The following LMO7 variants were observed in gnomAD, a reference collection of about 807,000 sequenced individuals.
The protein encoded by LMO7 is LIM domain 7, also known as LIM domain only protein 7.
Under a neutral mutation model 206.5 loss-of-function variants are expected in LMO7, and 120 were observed. The observed-to-expected ratio is 0.58, with a 90% CI of 0.50 to 0.68. The LOEUF (loss-of-function observed/expected upper bound fraction) is 0.68, where lower values mean the gene tolerates loss of function less well. Among genes scored for constraint, LMO7 ranks in the 30% least tolerant of loss-of-function variants. The pLI is 0.00. For synonymous variants in LMO7, 706 were observed against 681.5 expected, an observed-to-expected ratio of 1.04 and a Z score of -0.56; for missense variants, 1,959 against 1,957.9, an observed-to-expected ratio of 1.00 and a Z score of -0.01.
chr13:75,801,618 T>C (rs1436568373), intron 7 of LMO7, among the ~76,000 whole-genome samples: 1 of 152,232 alleles, frequency 6.6e-6, no homozygotes, highest in Non-Finnish European at 1.5e-5. Context: ...GGGTATAGCG[T>C]CAGCAATTTC....
intron 4 of LMO7, among the ~76,000 whole-genome samples, chr13:75,788,161 C>G (rs185792354): frequency 6.6e-6 from 1 of 152,208 alleles, no homozygotes; most frequent in East Asian, 1.9e-4. Context: ...TAAAATTTCA[C>G]TTAGTACATT....
intron 3 of LMO7, among the ~76,000 whole-genome samples, chr13:75,752,808 C>G (rs1294591167): frequency 6.6e-6 from 1 of 152,118 alleles, no homozygotes; most frequent in South Asian, 2.1e-4. Flanking sequence ...GGATGTATAC[C>G]ACATTTTATT....
intron 14 of LMO7, 29 bp from the exon 15 acceptor site, chr13:75,823,530 GAATATC>G: frequency 6.8e-7 from 1 of 1,475,018 alleles, no homozygotes. Flanking sequence ...AAAGGTAACA[GAATATC>G]AAGTTTAAAA....
chr13:75,820,699 A>G (rs1172153569), intron 13 of LMO7, among the ~76,000 whole-genome samples: 1 of 152,210 alleles, frequency 6.6e-6, no homozygotes, highest in African/African-American at 2.4e-5. Flanking sequence ...CATTAAAGAT[A>G]ATTTTATACA....
intron 1 of LMO7, among the ~76,000 whole-genome samples, chr13:75,697,203 G>A (rs2041970901): frequency 6.6e-6 from 1 of 152,132 alleles, no homozygotes; most frequent in Non-Finnish European, 1.5e-5. Context: ...CGTTCTCAAG[G>A]CCAAGAAAAT....
chr13:75,677,711 A>G (rs1484040874), intron 1 of LMO7, among the ~76,000 whole-genome samples: 1 of 150,824 alleles, frequency 6.6e-6, no homozygotes, highest in Non-Finnish European at 1.5e-5. Flanking sequence ...TTACATATGT[A>G]TACATGTGCC....
chr13:75,840,666 T>C (rs2139206259), intron 22 of LMO7, among the ~76,000 whole-genome samples, 171 bp downstream of exon 22: 1 of 152,344 alleles, frequency 6.6e-6, no homozygotes, highest in Admixed American at 6.5e-5. Context: ...ATTTTGAAGA[T>C]TTCCAGAGTC....
At position 75,636,608 on chromosome 13, in the gene LMO7, C is replaced by T. The variant is rs1315717307; in HGVS notation, c.-50C>T. On this transcript the variant is annotated 5_prime_UTR_variant, in exon 1 of 31. Coordinates refer to ENST00000377534, the MANE Select transcript of LMO7 (RefSeq NM_001306080.2). ...TGGGGCCCAGACGCGCGGGGACAAC[C>T]CCTCCCCTCCACGCATCCCGAGTCT... 1.4e-5 allele frequency: 22 copies of T among 1,546,198 alleles called. No individual in the cohort carries two copies. The highest frequency in any genetic ancestry group is 1.9e-5 in the Non-Finnish European group (22 of 1,146,822).
chr13:75,837,120 T>A (rs2059192060), intron 19 of LMO7, among the ~76,000 whole-genome samples: 1 of 152,204 alleles, frequency 6.6e-6, no homozygotes, highest in African/African-American at 2.4e-5. Context: ...AGAATGGGAC[T>A]GGGTTTTCAC....
chr13:75,641,499 T>G (rs990642555), intron 1 of LMO7, among the ~76,000 whole-genome samples: 1 of 152,228 alleles, frequency 6.6e-6, no homozygotes, highest in African/African-American at 2.4e-5. Context: ...ATGCTTTTTA[T>G]CACTCAAGAG....
At chr13:75,759,297 A>G (rs2047950014) in intron 3 of LMO7, among the ~76,000 whole-genome samples, 1 of 152,170 alleles carries the variant, frequency 6.6e-6, no homozygotes, top group Non-Finnish European at 1.5e-5. Flanking sequence ...CCATATCATT[A>G]TGGAACTTGG....
At chr13:75,856,657 C>T (rs756252110) in intron 30 of LMO7, 49 bp downstream of exon 30, 17 of 1,100,124 alleles carry the variant, frequency 1.5e-5, no homozygotes, top group African/African-American at 4.6e-5. Context: ...AAGGAGGCCA[C>T]GGGTTCCCAT....
At chr13:75,719,138 C>T (rs2043809186) in intron 2 of LMO7, among the ~76,000 whole-genome samples, 1 of 152,016 alleles carries the variant, frequency 6.6e-6, no homozygotes, top group African/African-American at 2.4e-5. Flanking sequence ...CACCACCACG[C>T]CTGGCTAATT....
At chr13:75,703,158 C>A (rs554564326) in intron 1 of LMO7, among the ~76,000 whole-genome samples, 1 of 152,286 alleles carries the variant, frequency 6.6e-6, no homozygotes, top group East Asian at 1.9e-4. Flanking sequence ...CTCATCCCCC[C>A]CAACACACAC....
intron 4 of LMO7, among the ~76,000 whole-genome samples, chr13:75,762,848 G>A (rs1295901005): frequency 6.6e-6 from 1 of 152,058 alleles, no homozygotes; most frequent in Admixed American, 6.6e-5. Context: ...AAAAGCAAAG[G>A]GGTTGACCCT....
rs117934025 is a variant in LMO7, at chr13:75,636,854, C to T, written c.69+128C>T. The T allele has an allele frequency of 9.4e-4, 868 of 926,322 alleles. 14 individuals are homozygous for T. The East Asian group carries it at 0.013, about 13-fold the overall frequency. 57.4% of individuals were successfully genotyped at this position (926,322 alleles called of 1,614,324 possible). On this transcript the variant is annotated intron_variant, in intron 1 of 30. Coordinates refer to ENST00000377534, the MANE Select transcript of LMO7 (RefSeq NM_001306080.2). Reference sequence around the variant, plus strand: ...CGGCGACCCAGCCGACGTGAACAAGCTGGTTTGCTTGTGCACTTTTGGGGA... The same window carrying T: ...CGGCGACCCAGCCGACGTGAACAAGTTGGTTTGCTTGTGCACTTTTGGGGA...
chr13:75,680,650 TGTG>T (rs2040401625), intron 1 of LMO7, among the ~76,000 whole-genome samples: 1 of 152,068 alleles, frequency 6.6e-6, no homozygotes, highest in African/African-American at 2.4e-5. Context: ...ATACACGTGC[TGTG>T]GTGGTTTGCT....
Position 75,823,804 on chromosome 13 carries a change from T to C in LMO7, c.2880T>C (p.Ser960=), listed in dbSNP as rs757778364. 7 of 1,614,138 alleles carry C rather than the reference T, an allele frequency of 4.3e-6. No homozygotes were observed. Among genetic ancestry groups the C allele is most frequent in the Admixed American group, 3.3e-5 (2 of 60,026 alleles). Residue 960 remains serine, a synonymous_variant, in exon 15 of 31, where the codon TCT becomes TCC. Coordinates refer to ENST00000377534, the MANE Select transcript of LMO7 (RefSeq NM_001306080.2). ...CTAAAGCCACATTGTCTTCCACATCTGGTCTTGATTTAATGTCTGAATCTG... is the reference window on the plus strand; with the variant it reads ...CTAAAGCCACATTGTCTTCCACATCCGGTCTTGATTTAATGTCTGAATCTG... ...ATSKATLSST[S]GLDLMSESGE... is the part of the protein sequence containing the mutation.
At chr13:75,657,102 A>T (rs951920382) in intron 1 of LMO7, among the ~76,000 whole-genome samples, 2 of 152,194 alleles carry the variant, frequency 1.3e-5, no homozygotes, top group African/African-American at 4.8e-5. Context: ...CCGTGGGAAG[A>T]TGGAGAATTG....
Sources: gnomAD v4.1 joint callset for allele counts (sites outside exome capture counted in the v4.1 genomes callset) on GRCh38, gnomAD v4.1.1 for gene constraint, MANE v1.5 for transcripts, NCBI Gene and HGNC (gene_info 2026-07-23, HGNC 2026-07-21) for gene names.